The following CHODL variants were observed in gnomAD, a reference collection of about 807,000 sequenced individuals.
CHODL encodes the protein chondrolectin.
In CHODL, 29 loss-of-function variants were observed where a neutral mutation model predicts 34.5. The observed-to-expected ratio is 0.84, with a 90% CI of 0.63 to 1.15. The LOEUF is 1.15. Among genes scored for constraint, CHODL ranks in the 50% most tolerant of loss-of-function variants. The pLI is 0.00. For missense variants in CHODL, 332 were observed against 332.5 expected (o/e 1.00, Z 0.01); for synonymous variants, 125 against 116.1 (o/e 1.08, Z -0.49).
At chr21:17,985,557 G>A (rs1219192742) in intron 1 of CHODL, among the ~76,000 whole-genome samples, 1 of 152,164 alleles carries the variant, frequency 6.6e-6, no homozygotes, top group African/African-American at 2.4e-5. Context: ...TTTTCAATTA[G>A]TTCCTGAGAT....
chr21:18,218,631 C>T (rs2073853876), intron 2 of CHODL, among the ~76,000 whole-genome samples: 1 of 152,194 alleles, frequency 6.6e-6, no homozygotes, highest in South Asian at 2.1e-4. Flanking sequence ...TGAATTTCTC[C>T]CCAGAGAATG....
At chr21:18,187,747 T>C (rs1016671222) in intron 2 of CHODL, among the ~76,000 whole-genome samples, 6 of 152,226 alleles carry the variant, frequency 3.9e-5, no homozygotes, top group African/African-American at 1.4e-4. Flanking sequence ...TTAAGTGCTC[T>C]GAATATGAAA....
At chr21:18,231,970 C>G (rs1254029247) in intron 2 of CHODL, among the ~76,000 whole-genome samples, 1 of 151,600 alleles carries the variant, frequency 6.6e-6, no homozygotes, top group Non-Finnish European at 1.5e-5. Flanking sequence ...GTGATCCTGC[C>G]CCAGTTTCAC....
chr21:18,203,000 C>T (rs2073672136), intron 2 of CHODL, among the ~76,000 whole-genome samples: 1 of 152,082 alleles, frequency 6.6e-6, no homozygotes, highest in Non-Finnish European at 1.5e-5. Flanking sequence ...GTCTGATATA[C>T]ATAAAAAATA....
chr21:17,986,322 C>G (rs112815806), intron 1 of CHODL, among the ~76,000 whole-genome samples: 100 of 152,126 alleles, frequency 6.6e-4, no homozygotes, highest in Non-Finnish European at 9.7e-4. Context: ...CCTAGCCCCC[C>G]ACCCCTGACA....
At chr21:17,984,550 T>G (rs1462803460) in intron 1 of CHODL, among the ~76,000 whole-genome samples, 3 of 152,158 alleles carry the variant, frequency 2.0e-5, no homozygotes, top group Non-Finnish European at 2.9e-5. Flanking sequence ...TTGTCTTTTG[T>G]ACATGACTTT....
chr21:18,067,638 C>T (rs893766218), intron 2 of CHODL, among the ~76,000 whole-genome samples: 1 of 152,210 alleles, frequency 6.6e-6, no homozygotes, highest in African/African-American at 2.4e-5. Flanking sequence ...GTTTAAGCCA[C>T]TCAGTTTGTG....
intron 1 of CHODL, among the ~76,000 whole-genome samples, chr21:17,963,542 A>G (rs2063549188): frequency 1.3e-5 from 2 of 152,146 alleles, no homozygotes; most frequent in African/African-American, 4.8e-5. Flanking sequence ...AAACCATCAG[A>G]TCTCATGAGA....
intron 2 of CHODL, among the ~76,000 whole-genome samples, chr21:18,087,064 G>C (rs1218832973): frequency 6.6e-6 from 1 of 152,182 alleles, no homozygotes; most frequent in African/African-American, 2.4e-5. Context: ...ATTGTTCTAA[G>C]TGTGCTTATG....
intron 2 of CHODL, among the ~76,000 whole-genome samples, chr21:18,143,459 A>G (rs888836778): frequency 1.3e-5 from 2 of 151,962 alleles, no homozygotes; most frequent in African/African-American, 4.8e-5. Flanking sequence ...ATTTCTGTCA[A>G]TGGGTACCGT....
At chr21:18,211,565 C>A (rs1456348287) in intron 2 of CHODL, among the ~76,000 whole-genome samples, 1 of 152,222 alleles carries the variant, frequency 6.6e-6, no homozygotes, top group Non-Finnish European at 1.5e-5. Flanking sequence ...ATGCCTGAGA[C>A]CCACAGGTTT....
chr21:18,015,212 A>G (rs762570691), intron 1 of CHODL, among the ~76,000 whole-genome samples: 1 of 152,200 alleles, frequency 6.6e-6, no homozygotes, highest in Non-Finnish European at 1.5e-5. Flanking sequence ...TGATTGGATC[A>G]TGGGGGTGGA....
rs551366775 is a variant in CHODL at position 18,177,045 on chromosome 21, G to C, written c.-44-79464G>C. Reference sequence around the variant, plus strand: ...TGAGCTATGAGGTTAATAACAAAATGTTATTAAAATTATATTAAAAAATAA... The same window carrying C: ...TGAGCTATGAGGTTAATAACAAAATCTTATTAAAATTATATTAAAAAATAA... On this transcript the variant is annotated intron_variant, in intron 2 of 6. Transcript: ENST00000400127. Among the ~76,000 whole-genome samples, 3 of 151,992 alleles carry C rather than the reference G, an allele frequency of 2.0e-5. No individual in the cohort carries two copies. In the South Asian group the frequency reaches 6.2e-4, roughly 32 times the overall value.
intron 2 of CHODL, among the ~76,000 whole-genome samples, chr21:18,196,737 A>G (rs1309958240): frequency 3.3e-5 from 5 of 152,200 alleles, no homozygotes; most frequent in Admixed American, 2.6e-4. Flanking sequence ...GGTTATTATT[A>G]CACATATTTT....
intron 2 of CHODL, among the ~76,000 whole-genome samples, chr21:18,144,731 T>C (rs2072847407): frequency 6.6e-6 from 1 of 151,972 alleles, no homozygotes. Flanking sequence ...TCACTTTTTT[T>C]CCTCCATTGT....
chr21:18,251,596 A>AATATATAAAATATTTAT (rs1568957737), intron 1 of CHODL, among the ~76,000 whole-genome samples: 4 of 95,878 alleles, frequency 4.2e-5, no homozygotes, highest in African/African-American at 1.8e-4. Context: ...TATTTATTTT[A>AATATATAAAATATTTAT]TTTATTTATT....
At chr21:18,191,832 A>G (rs77965864) in intron 2 of CHODL, among the ~76,000 whole-genome samples, 3,618 of 152,254 alleles carry the variant, frequency 0.024, 133 homozygotes, top group African/African-American at 0.082. Flanking sequence ...TTGTTTTTCA[A>G]AAGGTATGAA....
At chr21:18,145,461 G>C (rs556306987) in intron 2 of CHODL, among the ~76,000 whole-genome samples, 1 of 146,344 alleles carries the variant, frequency 6.8e-6, no homozygotes, top group Admixed American at 6.8e-5. Context: ...AAAAAAAGCG[G>C]CATTCAATAT....
Position 18,232,631 on chromosome 21 carries a change from C to T in CHODL, c.-44-23878C>T, listed in dbSNP as rs530253351. Reference sequence around the variant, plus strand: ...GTTTTGTGGGGAGCAAACATTCAGACGATAGCAGTATTAAATTTTTAAAAA... The same window carrying T: ...GTTTTGTGGGGAGCAAACATTCAGATGATAGCAGTATTAAATTTTTAAAAA... On this transcript the variant is annotated intron_variant, in intron 2 of 6. Transcript: ENST00000400127. Among the ~76,000 whole-genome samples, 22 of 152,024 alleles carry T rather than the reference C, an allele frequency of 1.4e-4. No individual in the cohort carries two copies. In the South Asian group the frequency reaches 2.3e-3, roughly 16 times the overall value.
Sources: gnomAD v4.1 joint callset for allele counts (sites outside exome capture counted in the v4.1 genomes callset) on GRCh38, gnomAD v4.1.1 for gene constraint, MANE v1.5 for transcripts, NCBI Gene and HGNC (gene_info 2026-07-23, HGNC 2026-07-21) for gene names.